Variants in ARHGAP44 observed in about 807,000 individuals in gnomAD.
ARHGAP44 encodes the protein Rho GTPase activating protein 44.
A neutral mutation model predicts 106.8 loss-of-function variants in ARHGAP44; 43 were observed. That is an observed-to-expected ratio of 0.40 (90% CI 0.32 to 0.52). ARHGAP44 has a LOEUF of 0.52. Ranked by LOEUF, ARHGAP44 falls within the 20% of genes least tolerant of loss-of-function variation. The probability of loss-of-function intolerance (pLI) is 0.48; values close to 1 mark genes in which losing one functional copy is unlikely to be tolerated. For missense variants in ARHGAP44, 866 were observed against 1,050.5 expected (o/e 0.82, Z 2.43); for synonymous variants, 439 against 410.3 (o/e 1.07, Z -0.85).
At chr17:12,830,476 G>A (rs1263841549) in intron 1 of ARHGAP44, among the ~76,000 whole-genome samples, 2 of 152,034 alleles carry the variant, frequency 1.3e-5, no homozygotes, top group Admixed American at 6.6e-5. Flanking sequence ...TAAATTCAGT[G>A]TCTCATGGCT....
At chr17:12,903,116 GAGAGAGAGA>G (rs2037431125) in intron 3 of ARHGAP44, among the ~76,000 whole-genome samples, 3 of 72,990 alleles carry the variant, frequency 4.1e-5, no homozygotes, top group Non-Finnish European at 7.8e-5. Flanking sequence ...GAGAGAGAGA[GAGAGAGAGA>G]GGAGAGAGAG....
intron 1 of ARHGAP44, among the ~76,000 whole-genome samples, chr17:12,807,507 A>C (rs1039851985): frequency 6.6e-6 from 1 of 152,222 alleles, no homozygotes; most frequent in Non-Finnish European, 1.5e-5. Flanking sequence ...AAGGAGAAGC[A>C]AAGGCATGTC....
chr17:12,901,023 A>G (rs1411438328), intron 3 of ARHGAP44, among the ~76,000 whole-genome samples: 1 of 150,872 alleles, frequency 6.6e-6, no homozygotes, highest in Non-Finnish European at 1.5e-5. Context: ...TCCCGGGTTC[A>G]AGCAATTCTC....
chr17:12,910,270 T>C lies in ARHGAP44; in HGVS notation c.275+1297T>C, dbSNP rs2037685123. On this transcript the variant is annotated intron_variant, in intron 4 of 20. Coordinates refer to ENST00000379672, the MANE Select transcript of ARHGAP44 (RefSeq NM_014859.6). ...TTGTAGGGGAGGAAACTTTTTTTTT[T>C]TTTTTTTTCCTCTCTCTAAACATCT... Among the ~76,000 whole-genome samples, 3 of 151,502 alleles carry C rather than the reference T, an allele frequency of 2.0e-5. No homozygotes were observed. The South Asian group carries it at 6.2e-4, about 32-fold the overall frequency.
chr17:12,934,871 G>C (rs1167587081), intron 7 of ARHGAP44, among the ~76,000 whole-genome samples: 1 of 152,190 alleles, frequency 6.6e-6, no homozygotes, highest in Non-Finnish European at 1.5e-5. Context: ...TGTCAGGCAG[G>C]AGTACCACAA....
At chr17:12,792,910 A>C (rs899981995) in intron 1 of ARHGAP44, among the ~76,000 whole-genome samples, 3 of 152,210 alleles carry the variant, frequency 2.0e-5, no homozygotes, top group African/African-American at 7.2e-5. Flanking sequence ...CATTGTATTT[A>C]ACTGACAAAA....
intron 1 of ARHGAP44, among the ~76,000 whole-genome samples, chr17:12,833,683 CA>C (rs1315516862): frequency 6.6e-6 from 1 of 152,170 alleles, no homozygotes; most frequent in African/African-American, 2.4e-5. Flanking sequence ...GATCAGGCCA[CA>C]ACTTGGTTTT....
chr17:12,876,802 G>T (rs185758101), intron 1 of ARHGAP44, among the ~76,000 whole-genome samples: 8 of 151,126 alleles, frequency 5.3e-5, no homozygotes, highest in African/African-American at 1.9e-4. Flanking sequence ...TCCCAGCTAC[G>T]TGGGAGGCTG....
intron 1 of ARHGAP44, among the ~76,000 whole-genome samples, chr17:12,812,617 T>C (rs1456550487): frequency 1.3e-5 from 2 of 152,212 alleles, no homozygotes; most frequent in African/African-American, 4.8e-5. Flanking sequence ...ACATGTTATA[T>C]GTATTTGACC....
At chr17:12,961,152 C>T (rs1040980121) in intron 16 of ARHGAP44, among the ~76,000 whole-genome samples, 8 of 152,110 alleles carry the variant, frequency 5.3e-5, no homozygotes, top group African/African-American at 7.2e-5. Context: ...GCCTCCTGGG[C>T]GCACTCCAAA....
intron 1 of ARHGAP44, among the ~76,000 whole-genome samples, chr17:12,806,749 C>T (rs552062792): frequency 6.6e-6 from 1 of 152,184 alleles, no homozygotes; most frequent in Non-Finnish European, 1.5e-5. Flanking sequence ...CTGCAAAATG[C>T]AGATAGCAAT....
At chr17:12,851,300 A>G (rs1201999155) in intron 1 of ARHGAP44, among the ~76,000 whole-genome samples, 11 of 152,174 alleles carry the variant, frequency 7.2e-5, no homozygotes, top group Admixed American at 7.2e-4. Flanking sequence ...CAAACTGTAC[A>G]GCTGTAAACC....
intron 3 of ARHGAP44, among the ~76,000 whole-genome samples, chr17:12,903,107 AGAGAGAGAGAGAGAGAGAG>A (rs1424367871): frequency 1.5e-4 from 18 of 118,036 alleles, no homozygotes; most frequent in South Asian, 3.4e-4. Flanking sequence ...AGAGAGAGAG[AGAGAGAGAGAGAGAGAGAG>A]GAGAGAGAGA....
At chr17:12,877,176 G>A (rs1471481611) in intron 1 of ARHGAP44, among the ~76,000 whole-genome samples, 1 of 152,170 alleles carries the variant, frequency 6.6e-6, no homozygotes, top group Admixed American at 6.5e-5. Flanking sequence ...AAGAAATTTT[G>A]CAGTTAAGAT....
At chr17:12,891,944 C>T (rs2037060968) in intron 1 of ARHGAP44, among the ~76,000 whole-genome samples, 1 of 150,962 alleles carries the variant, frequency 6.6e-6, no homozygotes, top group Non-Finnish European at 1.5e-5. Context: ...TGCAGGTGCG[C>T]ACCACCACGC....
chr17:12,897,329 A>G (rs923694994), intron 3 of ARHGAP44, among the ~76,000 whole-genome samples: 6 of 150,444 alleles, frequency 4.0e-5, no homozygotes, highest in Non-Finnish European at 8.8e-5. Flanking sequence ...CCCTCGGCTT[A>G]TGTTAGCCTC....
chr17:12,932,194 T>C (rs2038422641), intron 7 of ARHGAP44, among the ~76,000 whole-genome samples: 1 of 152,198 alleles, frequency 6.6e-6, no homozygotes, highest in Non-Finnish European at 1.5e-5. Flanking sequence ...GTTGCTCCTA[T>C]TTTCAATTTT....
At chr17:12,853,502 G>A (rs1464019986) in intron 1 of ARHGAP44, among the ~76,000 whole-genome samples, 1 of 152,162 alleles carries the variant, frequency 6.6e-6, no homozygotes, top group African/African-American at 2.4e-5. Flanking sequence ...GAGGTGAATC[G>A]TTTGCAAGAA....
At position 12,802,852 on chromosome 17, in the gene ARHGAP44, G is replaced by A. The variant is rs534585956; in HGVS notation, c.53+12961G>A. On this transcript the variant is annotated intron_variant, in intron 1 of 20. Transcript: ENST00000379672. ...CGGTCCACTGCAACCTCCGCCTCCC[G>A]GGTTCAAGTGATTCTTGTGCCTTAG... Among the ~76,000 whole-genome samples the A allele has an allele frequency of 3.8e-5, 5 of 131,982 alleles. No individual in the cohort carries two copies. In the East Asian group the frequency reaches 8.9e-4, roughly 24 times the overall value. The allele number at this position is 131,982 out of a possible 152,430, so 86.6% of individuals were successfully genotyped here.
Sources: gnomAD v4.1 joint callset for allele counts (sites outside exome capture counted in the v4.1 genomes callset) on GRCh38, gnomAD v4.1.1 for gene constraint, MANE v1.5 for transcripts, NCBI Gene and HGNC (gene_info 2026-07-23, HGNC 2026-07-21) for gene names.